DOCK3: variants seen among roughly 807,000 people sequenced by gnomAD.
DOCK3 encodes dedicator of cytokinesis 3, also known as dedicator of cytokinesis protein 3.
Under a neutral mutation model 265.6 loss-of-function variants are expected in DOCK3, and 60 were observed. The observed-to-expected ratio is 0.23, with a 90% CI of 0.18 to 0.28. The LOEUF (loss-of-function observed/expected upper bound fraction) is 0.28. Among genes scored for constraint, DOCK3 ranks in the 10% least tolerant of loss-of-function variants. DOCK3 has a pLI of 1.00. For missense variants in DOCK3, 1,981 were observed against 2,594.3 expected, an observed-to-expected ratio of 0.76 and a Z score of 5.14; for synonymous variants, 881 against 938.0, an observed-to-expected ratio of 0.94 and a Z score of 1.11.
intron 27 of DOCK3, among the ~76,000 whole-genome samples, chr3:51,287,681 G>A (rs773967358): frequency 3.3e-5 from 5 of 152,214 alleles, no homozygotes; most frequent in African/African-American, 9.7e-5. Context: ...CTTATACACT[G>A]CTAATGGGAA....
chr3:51,226,408 G>A (rs1299905412), intron 15 of DOCK3, among the ~76,000 whole-genome samples: 2 of 152,194 alleles, frequency 1.3e-5, no homozygotes, highest in African/African-American at 2.4e-5. Flanking sequence ...AATCGGTGTT[G>A]TACGAACCTT....
intron 14 of DOCK3, among the ~76,000 whole-genome samples, chr3:51,219,529 G>A (rs1484334581): frequency 6.6e-6 from 1 of 152,166 alleles, no homozygotes; most frequent in Non-Finnish European, 1.5e-5. Context: ...AGACATATTG[G>A]AATGTCTAGA....
intron 1 of DOCK3, among the ~76,000 whole-genome samples, chr3:50,763,330 G>C (rs1013947207): frequency 1.1e-4 from 16 of 151,878 alleles, no homozygotes; most frequent in African/African-American, 3.1e-4. Flanking sequence ...GCCCAGGCTG[G>C]AGTGCAGTGG....
intron 12 of DOCK3, among the ~76,000 whole-genome samples, chr3:51,186,221 G>A (rs976083938): frequency 6.6e-6 from 1 of 152,194 alleles, no homozygotes; most frequent in African/African-American, 2.4e-5. Flanking sequence ...GACCTTGTTG[G>A]TAACTGGAGC....
chr3:51,184,401 G>T (rs1292490888), intron 12 of DOCK3, among the ~76,000 whole-genome samples: 1 of 151,510 alleles, frequency 6.6e-6, no homozygotes, highest in African/African-American at 2.4e-5. Flanking sequence ...TATACAAAAT[G>T]ATCCTGAAGC....
chr3:51,347,685 G>T (rs1234645918), intron 38 of DOCK3, among the ~76,000 whole-genome samples: 4 of 152,162 alleles, frequency 2.6e-5, no homozygotes, highest in Non-Finnish European at 5.9e-5. Flanking sequence ...GAAAGTTATT[G>T]GTAGCTTGAT....
intron 51 of DOCK3, among the ~76,000 whole-genome samples, chr3:51,379,773 G>C (rs560899612): frequency 6.6e-6 from 1 of 152,388 alleles, no homozygotes; most frequent in African/African-American, 2.4e-5. Context: ...AGCTCAGGAA[G>C]GCCATCCCAA....
chr3:50,833,709 A>C lies in DOCK3; in HGVS notation c.122-7966A>C, dbSNP rs111384882. On this transcript the variant is annotated intron_variant, in intron 2 of 52. Coordinates refer to ENST00000266037, the MANE Select transcript of DOCK3 (RefSeq NM_004947.5). Reference sequence around the variant, plus strand: ...TCCCATGAGGCTTTTATTGCTCTACACGTCAAGTTTGATTCCTTAAAGGAA... The same window carrying C: ...TCCCATGAGGCTTTTATTGCTCTACCCGTCAAGTTTGATTCCTTAAAGGAA... Among the ~76,000 whole-genome samples the C allele has an allele frequency of 4.6e-5, 7 of 152,292 alleles. 2 individuals are homozygous for C. The highest frequency in any genetic ancestry group is 1.7e-4 in the African/African-American group (7 of 41,564).
At chr3:50,847,613 G>A (rs774332049) in intron 3 of DOCK3, among the ~76,000 whole-genome samples, 3 of 152,144 alleles carry the variant, frequency 2.0e-5, no homozygotes, top group Non-Finnish European at 2.9e-5. Context: ...GCCAAGTGCA[G>A]TGGCTTATGT....
chr3:51,050,164 G>T (rs946506322), intron 5 of DOCK3, among the ~76,000 whole-genome samples: 1 of 152,056 alleles, frequency 6.6e-6, no homozygotes, highest in African/African-American at 2.4e-5. Context: ...TGGGAGGATT[G>T]CTTGAGGCCA....
intron 2 of DOCK3, among the ~76,000 whole-genome samples, chr3:50,826,725 C>CG (rs2107020220): frequency 6.6e-6 from 1 of 152,192 alleles, no homozygotes; most frequent in Non-Finnish European, 1.5e-5. Flanking sequence ...AAGAAACAGT[C>CG]AGATACCACA....
intron 37 of DOCK3, among the ~76,000 whole-genome samples, 195 bp downstream of exon 37, chr3:51,339,223 C>G (rs1243087471): frequency 6.6e-6 from 1 of 152,182 alleles, no homozygotes; most frequent in East Asian, 1.9e-4. Flanking sequence ...GGCAGAACTT[C>G]CACTTGTGCC....
At chr3:51,380,396 G>A (rs1026441311) in intron 52 of DOCK3, among the ~76,000 whole-genome samples, 189 bp downstream of exon 52, 1 of 152,222 alleles carries the variant, frequency 6.6e-6, no homozygotes, top group African/African-American at 2.4e-5. Context: ...TGCAGCAAAT[G>A]TGATGGGGGC....
At chr3:51,189,130 G>T (rs757988631) in intron 12 of DOCK3, among the ~76,000 whole-genome samples, 14 of 152,066 alleles carry the variant, frequency 9.2e-5, no homozygotes, top group Non-Finnish European at 1.9e-4. Flanking sequence ...TTCTGACTGG[G>T]ATAAGATGAT....
intron 12 of DOCK3, among the ~76,000 whole-genome samples, chr3:51,182,839 T>C (rs1242528927): frequency 6.6e-6 from 1 of 152,226 alleles, no homozygotes; most frequent in East Asian, 1.9e-4. Flanking sequence ...AAAGCTTTTA[T>C]AGACAGAAGC....
At chr3:50,942,052 T>C (rs1304635946) in intron 5 of DOCK3, among the ~76,000 whole-genome samples, 1 of 152,054 alleles carries the variant, frequency 6.6e-6, no homozygotes, top group Non-Finnish European at 1.5e-5. Flanking sequence ...GTCAGTTTCT[T>C]GGTTTTGACA....
At chr3:50,693,119 T>C (rs2035360627) in intron 1 of DOCK3, among the ~76,000 whole-genome samples, 1 of 152,220 alleles carries the variant, frequency 6.6e-6, no homozygotes, top group Admixed American at 6.5e-5. Context: ...CACACTGTTT[T>C]GATACTGTAG....
intron 12 of DOCK3, among the ~76,000 whole-genome samples, chr3:51,184,548 CA>C (rs34361078): frequency 1.2e-4 from 17 of 145,502 alleles, no homozygotes; most frequent in Admixed American, 2.8e-4. Context: ...CAATTTTAGC[CA>C]AAAAAAAAAA....
At chr3:50,865,548 T>A (rs550962113) in intron 3 of DOCK3, among the ~76,000 whole-genome samples, 1 of 152,250 alleles carries the variant, frequency 6.6e-6, no homozygotes, top group Non-Finnish European at 1.5e-5. Context: ...TATCCATTTG[T>A]CTGTTGATAG....
Sources: allele counts gnomAD v4.1 joint callset (sites outside exome capture counted in the v4.1 genomes callset), GRCh38; gene constraint gnomAD v4.1.1; transcripts MANE v1.5; gene names NCBI Gene and HGNC (gene_info 2026-07-23, HGNC 2026-07-21).